The following CYP26C1 variants were observed in gnomAD, a reference collection of about 807,000 sequenced individuals.
The protein encoded by CYP26C1 is cytochrome P450 family 26 subfamily C member 1, also known as cytochrome P450 26C1.
Under a neutral mutation model 39.1 loss-of-function variants are expected in CYP26C1, and 41 were observed. The ratio of observed to expected loss-of-function variants is 1.05; its 90% CI spans 0.82 to 1.36. CYP26C1 has a LOEUF of 1.36. CYP26C1 is among the 40% of genes most tolerant of loss of function. The pLI is 0.00. For missense variants in CYP26C1, 833 were observed against 752.0 expected, an observed-to-expected ratio of 1.11 and a Z score of -1.26; for synonymous variants, 362 against 350.8, an observed-to-expected ratio of 1.03 and a Z score of -0.36.
chr10:93,061,983 G>C, intron 1 of CYP26C1, 27 bp from the exon 2 acceptor site: 1 of 1,545,836 alleles, frequency 6.5e-7, no homozygotes, highest in Non-Finnish European at 8.7e-7. Context: ...AGAAGTTCCA[G>C]CTCTCCACCC....
In CYP26C1 at chr10:93,061,115, TG is replaced by T; in HGVS notation, c.-147del. ...TCCGTCTGTTTTTAGAACAGAGTTC[TG>T]GCCTGAGCTTATAAATCTCGGGCTT... On this transcript the variant is annotated 5_prime_UTR_variant, in exon 1 of 6. Transcript: ENST00000651965. 1 of 784,266 alleles carries T rather than the reference TG, an allele frequency of 1.3e-6. No individual in the cohort carries two copies. Among genetic ancestry groups the T allele is most frequent in the Non-Finnish European group, 2.0e-6 (1 of 495,172 alleles). 48.6% of individuals were successfully genotyped at this position (784,266 alleles called of 1,614,324 possible). A position where few individuals can be genotyped will look rare whatever the true frequency, so the allele number is the denominator to read the frequency against.
chr10:93,065,491 G>T (rs936241270), intron 4 of CYP26C1, among the ~76,000 whole-genome samples: 34 of 152,204 alleles, frequency 2.2e-4, no homozygotes, highest in Admixed American at 2.0e-3. Context: ...TTCCACTGGG[G>T]TTGGCGGCCG....
At position 93,062,878 on chromosome 10, in the gene CYP26C1, C is replaced by A; in HGVS notation, c.588C>A (p.Ile196=). 2 of 1,604,710 alleles carry A rather than the reference C, an allele frequency of 1.2e-6. No homozygotes were observed. Among genetic ancestry groups the A allele is most frequent in the Non-Finnish European group, 1.7e-6 (2 of 1,179,234 alleles). The change falls in exon 3 of 6, where the codon ATC becomes ATA. Residue 196 remains isoleucine, a synonymous_variant. Transcript: ENST00000651965. ...KALTFRMAAR[I]LLGLRLDEAQ... Reference sequence around the variant, plus strand: ...TCACCTTCCGCATGGCCGCGCGCATCCTGCTGGGGTTGCGGCTGGACGAGG... The same window carrying A: ...TCACCTTCCGCATGGCCGCGCGCATACTGCTGGGGTTGCGGCTGGACGAGG...
chr10:93,068,488 G>A lies in CYP26C1; in HGVS notation c.1360G>A (p.Gly454Ser). Residue 454 changes from glycine (G) to serine (S), a missense_variant, in exon 6 of 6, where the codon GGC becomes AGC. By Grantham distance (56) the Gly-to-Ser change is moderately conservative. Transcript: ENST00000651965. ...SSRFHYIPFGGGARSCLGQEL... is the reference protein window; with the variant it reads ...SSRFHYIPFGSGARSCLGQEL... ...CCGCTTCCATTACATCCCGTTCGGC[G>A]GCGGTGCGCGCAGCTGCCTCGGCCA... 1 of 1,609,042 alleles carries A rather than the reference G, an allele frequency of 6.2e-7. No homozygotes were observed. The highest frequency in any genetic ancestry group is 8.5e-7 in the Non-Finnish European group (1 of 1,178,200).
rs147999465 is a variant in CYP26C1 at position 93,062,121 on chromosome 10, C to A, written c.316C>A (p.Leu106Met). Residue 106 changes from leucine (L) to methionine (M), a missense_variant, in exon 2 of 6, where the codon CTG becomes ATG. By Grantham distance (15) the Leu-to-Met change is conservative. Coordinates refer to ENST00000651965, the MANE Select transcript of CYP26C1 (RefSeq NM_183374.3). ...CGGCGCGGAGAACGTGCGCACCATC[C>A]TGCTGGGCGAGCACCGCCTGGTGCG... ...VSGAENVRTI[L>M]LGEHRLVRSQ... The A allele has an allele frequency of 1.5e-5, 24 of 1,553,954 alleles. No individual in the cohort carries two copies. In the Admixed American group the frequency reaches 4.5e-4, roughly 29 times the overall value.
Position 93,061,118 on chromosome 10 carries a change from C to A in CYP26C1, c.-146C>A. ...GTCTGTTTTTAGAACAGAGTTCTGG[C>A]CTGAGCTTATAAATCTCGGGCTTTG... On this transcript the variant is annotated 5_prime_UTR_variant, in exon 1 of 6. Coordinates refer to ENST00000651965, the MANE Select transcript of CYP26C1 (RefSeq NM_183374.3). The A allele has an allele frequency of 1.2e-6, 1 of 805,936 alleles. No homozygotes were observed. The highest frequency in any genetic ancestry group is 2.0e-6 in the Non-Finnish European group (1 of 512,018). The allele number at this position is 805,936 out of a possible 1,614,324, so 49.9% of individuals were successfully genotyped here. A position where few individuals can be genotyped will look rare whatever the true frequency, so the allele number is the denominator to read the frequency against.
intron 4 of CYP26C1, 23 bp from the exon 5 acceptor site, chr10:93,065,933 T>C (rs747636697): frequency 6.5e-7 from 1 of 1,547,832 alleles, no homozygotes; most frequent in Non-Finnish European, 8.7e-7. Context: ...CGAGACTCAG[T>C]GCAGCCCGGG....
At chr10:93,063,411 G>T in intron 3 of CYP26C1, 1 of 998,334 alleles carries the variant, frequency 1.0e-6, no homozygotes. Context: ...GAGGGCTGCA[G>T]ATGAGCCCCG....
In CYP26C1 at chr10:93,068,729, G is replaced by A. The variant is rs1590139197; in HGVS notation, c.*32G>A. ...TGCGCTCTAGGACACGGCTTGGCCG[G>A]TGGCTATGGCGCGCACGCAGCGCCA... On this transcript the variant is annotated 3_prime_UTR_variant, in exon 6 of 6. Coordinates refer to ENST00000651965, the MANE Select transcript of CYP26C1 (RefSeq NM_183374.3). 2 of 1,477,216 alleles carry A rather than the reference G, an allele frequency of 1.4e-6. No individual in the cohort carries two copies. The highest frequency in any genetic ancestry group is 2.5e-5 in the Admixed American group (1 of 40,192). 91.5% of individuals were successfully genotyped at this position (1,477,216 alleles called of 1,614,324 possible).
At chr10:93,064,598 A>G (rs1846799649) in intron 4 of CYP26C1, 62 bp downstream of exon 4, 4 of 1,554,522 alleles carry the variant, frequency 2.6e-6, no homozygotes, top group East Asian at 2.3e-5. Flanking sequence ...CCCTACACCA[A>G]TGCTGCATCC....
chr10:93,063,854 C>A (rs984816465), intron 3 of CYP26C1: 1 of 985,874 alleles, frequency 1.0e-6, no homozygotes, highest in Non-Finnish European at 1.2e-6. Context: ...ACAGTGCTTT[C>A]CCCGGGGGAA....
rs1846741455 is a variant in CYP26C1 at position 93,061,203 on chromosome 10, C to G, written c.-61C>G. 1 of 1,526,438 alleles carries G rather than the reference C, an allele frequency of 6.6e-7. No individual in the cohort carries two copies. Among genetic ancestry groups the G allele is most frequent in the Middle Eastern group, 1.7e-4 (1 of 5,946 alleles). 94.6% of individuals were successfully genotyped at this position (1,526,438 alleles called of 1,614,324 possible). On this transcript the variant is annotated 5_prime_UTR_variant, in exon 1 of 6. Coordinates refer to ENST00000651965, the MANE Select transcript of CYP26C1 (RefSeq NM_183374.3). ...GTGAGCACTGCGCACTGCTCGCGCC[C>G]CGGTTCTTGCGTCCCCTGCTCTCCC... is the stretch of plus-strand genomic sequence containing the variant.
At chr10:93,063,926 C>G in intron 3 of CYP26C1, 1 of 988,612 alleles carries the variant, frequency 1.0e-6, no homozygotes, top group South Asian at 4.7e-5. Context: ...CACGCTCTTA[C>G]AGAGGCTAAT....
intron 3 of CYP26C1, 97 bp downstream of exon 3, chr10:93,063,092 C>T (rs1846774056): frequency 6.8e-7 from 1 of 1,473,106 alleles, no homozygotes. Flanking sequence ...CCCCGCGCGT[C>T]CGTCACCTCT....
intron 3 of CYP26C1, chr10:93,064,047 G>T: frequency 9.0e-7 from 1 of 1,111,742 alleles, no homozygotes; most frequent in Non-Finnish European, 1.1e-6. Context: ...TAGCCGCACT[G>T]GGCTCTGTGC....
intron 3 of CYP26C1, chr10:93,063,215 A>G (rs1846775437): frequency 2.4e-6 from 3 of 1,265,804 alleles, no homozygotes; most frequent in Non-Finnish European, 3.0e-6. Context: ...GGCTGGCCAC[A>G]CGACCTCCGT....
At chr10:93,062,665 C>A in intron 2 of CYP26C1, 55 bp from the exon 3 acceptor site, 1 of 1,356,060 alleles carries the variant, frequency 7.4e-7, no homozygotes, top group South Asian at 1.7e-5. Context: ...ACTCCGGAAT[C>A]GCCAAGCAGA....
intron 5 of CYP26C1, among the ~76,000 whole-genome samples, chr10:93,067,493 G>A (rs1564953321): frequency 6.6e-6 from 1 of 152,212 alleles, no homozygotes; most frequent in Non-Finnish European, 1.5e-5. Flanking sequence ...AGGGTGGTGA[G>A]CAGAGGACAG....
intron 4 of CYP26C1, 162 bp downstream of exon 4, chr10:93,064,698 C>A: frequency 7.2e-7 from 1 of 1,395,018 alleles, no homozygotes; most frequent in Non-Finnish European, 9.3e-7. Context: ...AGTAATGACT[C>A]AGCCACACTC....
Sources: allele counts gnomAD v4.1 joint callset (sites outside exome capture counted in the v4.1 genomes callset), GRCh38; gene constraint gnomAD v4.1.1; transcripts MANE v1.5; gene names NCBI Gene and HGNC (gene_info 2026-07-23, HGNC 2026-07-21).